Variants in SGCD observed in about 807,000 individuals in gnomAD.
SGCD encodes sarcoglycan delta.
SGCD carries 18 observed loss-of-function variants against 36.6 expected under a neutral mutation model. The observed-to-expected ratio is 0.49, with a 90% confidence interval of 0.34 to 0.73. SGCD has a LOEUF of 0.73. Ranked by LOEUF, SGCD falls within the 30% of genes least tolerant of loss-of-function variation. SGCD has a pLI of 0.01. For missense variants in SGCD, 387 were observed against 346.7 expected (o/e 1.12, Z -0.92); for synonymous variants, 133 against 130.6 (o/e 1.02, Z -0.12).
intron 1 of SGCD, among the ~76,000 whole-genome samples, chr5:155,931,025 C>T (rs968518665): frequency 1.3e-5 from 2 of 152,044 alleles, no homozygotes; most frequent in African/African-American, 4.8e-5. Flanking sequence ...TCTGATCTTC[C>T]ATAATGGTTA....
At chr5:156,365,267 A>G (rs1393919401) in intron 3 of SGCD, among the ~76,000 whole-genome samples, 1 of 152,212 alleles carries the variant, frequency 6.6e-6, no homozygotes, top group African/African-American at 2.4e-5. Flanking sequence ...CTGAAGATAA[A>G]ACAGAATGAG....
chr5:156,512,057 G>T (rs890804305), intron 4 of SGCD, among the ~76,000 whole-genome samples: 2 of 152,010 alleles, frequency 1.3e-5, no homozygotes, highest in Non-Finnish European at 2.9e-5. Context: ...AGCCAGACAC[G>T]GTGGCGGGCA....
intron 3 of SGCD, among the ~76,000 whole-genome samples, chr5:156,184,781 A>T (rs1763695126): frequency 6.6e-6 from 1 of 152,170 alleles, no homozygotes; most frequent in Non-Finnish European, 1.5e-5. Context: ...ATGCCAAGAT[A>T]AGGGCACAGG....
chr5:155,848,762 C>T, the SGCD span, among the ~76,000 whole-genome samples: 1 of 152,120 alleles, frequency 6.6e-6, no homozygotes, highest in Non-Finnish European at 1.5e-5. Context: ...TCCACTATAG[C>T]TCTTAGTACA....
intron 2 of SGCD, among the ~76,000 whole-genome samples, chr5:156,337,735 A>G (rs1178075295): frequency 1.3e-5 from 2 of 152,206 alleles, no homozygotes; most frequent in East Asian, 1.9e-4. Context: ...TCATTAAAAT[A>G]TGAGCTTGAT....
chr5:156,350,424 A>G (rs1328133527), intron 3 of SGCD, among the ~76,000 whole-genome samples: 1 of 151,794 alleles, frequency 6.6e-6, no homozygotes, highest in Non-Finnish European at 1.5e-5. Context: ...AGTGTTTGTG[A>G]AACCTTGGTG....
intron 3 of SGCD, among the ~76,000 whole-genome samples, chr5:156,418,333 T>C (rs1404059196): frequency 6.6e-6 from 1 of 152,172 alleles, no homozygotes; most frequent in Non-Finnish European, 1.5e-5. Flanking sequence ...AGAAAGGATA[T>C]TGAGAGCTGA....
chr5:156,100,141 T>C (rs1237321249), intron 1 of SGCD, among the ~76,000 whole-genome samples: 1 of 152,150 alleles, frequency 6.6e-6, no homozygotes, highest in Non-Finnish European at 1.5e-5. Context: ...GTGGTGGTAA[T>C]CTAAAACAAT....
chr5:156,459,494 T>C (rs1754395122), intron 3 of SGCD, among the ~76,000 whole-genome samples: 2 of 152,192 alleles, frequency 1.3e-5, no homozygotes, highest in Admixed American at 1.3e-4. Context: ...GGAGGAATTG[T>C]TTTGTTTTTC....
At chr5:155,750,687 TA>T in the SGCD span, among the ~76,000 whole-genome samples, 1 of 152,238 alleles carries the variant, frequency 6.6e-6, no homozygotes, top group East Asian at 1.9e-4. Context: ...TTACATTTAA[TA>T]ATGTTTGAGC....
At chr5:156,620,113 A>G (rs968200354) in intron 6 of SGCD, among the ~76,000 whole-genome samples, 12 of 152,194 alleles carry the variant, frequency 7.9e-5, no homozygotes, top group African/African-American at 2.9e-4. Flanking sequence ...GCCTGGGTTG[A>G]ACTCCTGGCT....
intron 3 of SGCD, among the ~76,000 whole-genome samples, chr5:156,436,870 G>C (rs943243823): frequency 6.6e-6 from 1 of 152,092 alleles, no homozygotes; most frequent in Non-Finnish European, 1.5e-5. Flanking sequence ...AGCCAAGTCT[G>C]ATACATGGAA....
At chr5:156,231,689 G>A (rs1196155212) in intron 3 of SGCD, among the ~76,000 whole-genome samples, 1 of 152,160 alleles carries the variant, frequency 6.6e-6, no homozygotes, top group Admixed American at 6.5e-5. Flanking sequence ...AGAGCTATAG[G>A]ACAGGGTATT....
At chr5:155,750,557 G>A in the SGCD span, among the ~76,000 whole-genome samples, 1 of 152,136 alleles carries the variant, frequency 6.6e-6, no homozygotes, top group Non-Finnish European at 1.5e-5. Flanking sequence ...ATTTCTCTAA[G>A]GGTCCTCTTT....
chr5:156,609,157 T>G (rs1349399712), intron 6 of SGCD, among the ~76,000 whole-genome samples: 1 of 152,216 alleles, frequency 6.6e-6, no homozygotes, highest in African/African-American at 2.4e-5. Flanking sequence ...CCTTACAATT[T>G]GGTATGTTTT....
the SGCD span, among the ~76,000 whole-genome samples, chr5:155,833,882 T>C: frequency 3.9e-5 from 6 of 152,220 alleles, no homozygotes; most frequent in Non-Finnish European, 8.8e-5. Flanking sequence ...GAACAGTGAA[T>C]ACAGAATGCA....
the SGCD span, among the ~76,000 whole-genome samples, chr5:155,856,719 A>G: frequency 6.6e-6 from 1 of 152,234 alleles, no homozygotes; most frequent in African/African-American, 2.4e-5. Context: ...CCAAAAATAT[A>G]TATGGAAAGC....
intron 3 of SGCD, among the ~76,000 whole-genome samples, chr5:156,249,963 T>A (rs950045316): frequency 6.6e-6 from 1 of 152,230 alleles, no homozygotes; most frequent in Non-Finnish European, 1.5e-5. Context: ...CTGGGCCATG[T>A]GCCCATACAG....
chr5:155,821,678 A>C, the SGCD span, among the ~76,000 whole-genome samples: 1 of 152,232 alleles, frequency 6.6e-6, no homozygotes, highest in East Asian at 1.9e-4. Context: ...GTGCTTTAAT[A>C]GAGTGCAATG....
Sources: allele counts gnomAD v4.1 joint callset (sites outside exome capture counted in the v4.1 genomes callset), GRCh38; gene constraint gnomAD v4.1.1; transcripts MANE v1.5; gene names NCBI Gene and HGNC (gene_info 2026-07-23, HGNC 2026-07-21).